Variants in ERCC6 observed in about 807,000 individuals in gnomAD.
The protein encoded by ERCC6 is DNA excision repair protein ERCC-6.
In ERCC6, 116 loss-of-function variants were observed where a neutral mutation model predicts 158.7. The ratio of observed to expected loss-of-function variants is 0.73; its 90% CI spans 0.63 to 0.85. ERCC6 has a LOEUF of 0.85. ERCC6 is among the 40% of genes least tolerant of loss of function. The pLI is 0.00. For missense variants in ERCC6, 1,698 were observed against 1,799.4 expected (o/e 0.94, Z 1.02); for synonymous variants, 678 against 659.3 (o/e 1.03, Z -0.43).
intron 4 of ERCC6, among the ~76,000 whole-genome samples, chr10:49,525,760 T>C (rs955002273): frequency 2.6e-5 from 4 of 151,906 alleles, no homozygotes; most frequent in African/African-American, 9.7e-5. Flanking sequence ...CTAGCAGCCA[T>C]ATCAACTAAC....
At chr10:49,468,021 T>C (rs760405498) in intron 18 of ERCC6, among the ~76,000 whole-genome samples, 2 of 152,180 alleles carry the variant, frequency 1.3e-5, no homozygotes, top group Non-Finnish European at 2.9e-5. Flanking sequence ...CTACTCTGTA[T>C]CATACCCAAT....
In ERCC6 at chr10:49,458,759, A is replaced by G; in HGVS notation, c.*56T>C. The stretch of plus-strand genomic sequence containing the variant: ...AAACATGATTATTAATAATAAATTA[A>G]TAATCAGAAATGCCCGTTAGAAAAA... On this transcript the variant is annotated 3_prime_UTR_variant, in exon 21 of 21. Transcript: ENST00000355832. The G allele has an allele frequency of 2.6e-6, 4 of 1,538,770 alleles. No homozygotes were observed. Among genetic ancestry groups the G allele is most frequent in the Non-Finnish European group, 3.6e-6 (4 of 1,112,924 alleles).
chr10:49,508,505 CAT>C (rs1564433125), intron 5 of ERCC6, among the ~76,000 whole-genome samples: 2 of 152,116 alleles, frequency 1.3e-5, no homozygotes, highest in South Asian at 4.1e-4. Context: ...CCTTCCGCTT[CAT>C]AAAGAAAGAT....
chr10:49,454,047 C>T (rs1243891764), downstream of ERCC6, among the ~76,000 whole-genome samples: 1 of 152,060 alleles, frequency 6.6e-6, no homozygotes, highest in Non-Finnish European at 1.5e-5. Context: ...TTTCCTTTTT[C>T]TTCTGCTCTT....
the ERCC6 span, among the ~76,000 whole-genome samples, chr10:49,442,106 A>C: frequency 3.7e-3 from 571 of 152,310 alleles, 6 homozygotes; most frequent in African/African-American, 0.013. Context: ...AACCAAGCTG[A>C]ATCGCCAGAA....
rs1410597711 is a variant in ERCC6 at position 49,482,866 on chromosome 10, A to G, written c.1993-3T>C. ...ATGATCCGATGAGGGGTGCGAAACT[A>G]TTTGAGGAAAGGAAGCACCTTTTTA... On this transcript the variant is annotated splice_region_variant and splice_polypyrimidine_tract_variant and intron_variant, in intron 9 of 20. Coordinates refer to ENST00000355832, the MANE Select transcript of ERCC6 (RefSeq NM_000124.4). The G allele has an allele frequency of 6.2e-7, 1 of 1,614,092 alleles. No individual in the cohort carries two copies. Among genetic ancestry groups the G allele is most frequent in the Non-Finnish European group, 8.5e-7 (1 of 1,179,984 alleles).
chr10:49,437,049 T>C, the ERCC6 span, among the ~76,000 whole-genome samples: 1 of 152,158 alleles, frequency 6.6e-6, no homozygotes, highest in African/African-American at 2.4e-5. Flanking sequence ...GATTGAATCA[T>C]GGGGGGTGGT....
intron 8 of ERCC6, among the ~76,000 whole-genome samples, chr10:49,484,210 G>A (rs1216049845): frequency 6.6e-6 from 1 of 150,956 alleles, no homozygotes; most frequent in East Asian, 1.9e-4. Context: ...GAGCCCAGGA[G>A]GTCAAGGCTA....
At position 49,524,621 on chromosome 10, in the gene ERCC6, C is replaced by T. The variant is rs528081368; in HGVS notation, c.809G>A (p.Gly270Asp). 7.4e-5 allele frequency: 119 copies of T among 1,614,158 alleles called. 4 individuals carry two copies. In the South Asian group the frequency reaches 1.3e-3, roughly 17 times the overall value. ...PRKIMLNEASGFEKYLADQAK... is the reference protein window; with the variant it reads ...PRKIMLNEASDFEKYLADQAK... ...TTGATCTGCCAAATACTTTTCGAAG[C>T]CTGATGCTTCATTAAGCATGATTTT... Residue 270 changes from glycine to aspartate, a missense_variant, in exon 5 of 21, where the codon GGC (glycine) becomes GAC (aspartate). Transcript: ENST00000355832.
chr10:49,474,630 G>A (rs1029018530), intron 12 of ERCC6, among the ~76,000 whole-genome samples: 1 of 152,116 alleles, frequency 6.6e-6, no homozygotes, highest in African/African-American at 2.4e-5. Flanking sequence ...GGAGACATCA[G>A]TCATGTGACT....
intron 20 of ERCC6, among the ~76,000 whole-genome samples, chr10:49,459,512 G>A (rs1850540151): frequency 6.6e-6 from 1 of 152,162 alleles, no homozygotes; most frequent in Non-Finnish European, 1.5e-5. Flanking sequence ...TGGACAGGAA[G>A]GCAGAGTGGA....
Position 49,532,813 on chromosome 10 carries a change from C to A in ERCC6, c.152G>T (p.Gly51Val). The change falls in exon 2 of 21, where the codon GGT becomes GTT. Residue 51 changes from glycine to valine, a missense_variant. Transcript: ENST00000355832. The part of the protein sequence containing the change: ...VEEYLSFRSV[G>V]DGLSTSAVGC... ...CACAGCAGAGGTGGACAGCCCGTCACCCACAGAACGAAAGGAGAGGTACTC... is the reference window on the plus strand; with the variant it reads ...CACAGCAGAGGTGGACAGCCCGTCAACCACAGAACGAAAGGAGAGGTACTC... The A allele has an allele frequency of 1.2e-6, 2 of 1,614,236 alleles. No individual in the cohort carries two copies.
At chr10:49,493,004 G>T in intron 8 of ERCC6, 113 bp downstream of exon 8, 1 of 1,127,122 alleles carries the variant, frequency 8.9e-7, no homozygotes, top group Non-Finnish European at 1.3e-6. Context: ...TTTAAATGCA[G>T]GAAAAAAAAC....
Position 49,457,831 on chromosome 10 carries a change from T to TA in ERCC6, c.*983dup, listed in dbSNP as rs1466738740. 1 of 152,090 alleles carries TA rather than the reference T, an allele frequency of 6.6e-6. No individual in the cohort carries two copies. Among genetic ancestry groups the TA allele is most frequent in the Non-Finnish European group, 1.5e-5 (1 of 68,030 alleles). The allele number at this position is 152,090 out of a possible 1,614,324, so 9.4% of individuals were successfully genotyped here. A position where few individuals can be genotyped will look rare whatever the true frequency, so the allele number is the denominator to read the frequency against. On this transcript the variant is annotated 3_prime_UTR_variant, in exon 21 of 21. Coordinates refer to ENST00000355832, the MANE Select transcript of ERCC6 (RefSeq NM_000124.4). ...ACACCATCACAGAACCACAAACACA[T>TA]AAACAGTAGTGAGATACAAACAGCC...
chr10:49,474,787 C>A (rs1850846159), intron 12 of ERCC6, among the ~76,000 whole-genome samples: 1 of 152,014 alleles, frequency 6.6e-6, no homozygotes, highest in African/African-American at 2.4e-5. Context: ...AATAGGAATG[C>A]ACGAATGGGA....
chr10:49,493,087 A>G (rs1851203411), intron 8 of ERCC6, 30 bp downstream of exon 8: 1 of 1,612,674 alleles, frequency 6.2e-7, no homozygotes. Context: ...CATTAAAACA[A>G]AACAAAAAGG....
intron 9 of ERCC6, 127 bp downstream of exon 9, chr10:49,483,219 A>T: frequency 3.9e-6 from 4 of 1,024,568 alleles, no homozygotes; most frequent in Non-Finnish European, 5.9e-6. Flanking sequence ...GAAAATGCAC[A>T]TTTTAAATTT....
In ERCC6 at chr10:49,530,318, C is replaced by T. The variant is rs192523259; in HGVS notation, c.543+402G>A. Among the ~76,000 whole-genome samples, 429 of 152,300 alleles carry T rather than the reference C, an allele frequency of 2.8e-3. 1 individual carries two copies. The highest frequency in any genetic ancestry group is 0.01 in the African/African-American group (418 of 41,572). On this transcript the variant is annotated intron_variant, in intron 3 of 20. Coordinates refer to ENST00000355832, the MANE Select transcript of ERCC6 (RefSeq NM_000124.4). ...TTGTGATGGGTTTATCAGGGCATAA[C>T]CCCATTATAAACTGAGGAGCCTCTG...
rs181878810 is a variant in ERCC6 at position 49,536,214 on chromosome 10, G to C, written c.-15+2748C>G. Among the ~76,000 whole-genome samples, 412 of 152,330 alleles carry C rather than the reference G, an allele frequency of 2.7e-3. 1 individual carries two copies. Among genetic ancestry groups the C allele is most frequent in the African/African-American group, 9.6e-3 (401 of 41,572 alleles). On this transcript the variant is annotated intron_variant, in intron 1 of 20. Transcript: ENST00000355832. ...TGTAAGGAGTGGATGAGGAAATGGA[G>C]GCCACAAGAGAGTGGCCTGTCCTTT...
Sources: gnomAD v4.1 joint callset for allele counts (sites outside exome capture counted in the v4.1 genomes callset) on GRCh38, gnomAD v4.1.1 for gene constraint, MANE v1.5 for transcripts, NCBI Gene and HGNC (gene_info 2026-07-23, HGNC 2026-07-21) for gene names.